The following SPON2 variants were observed in gnomAD, a reference collection of about 807,000 sequenced individuals.
SPON2 encodes the protein spondin 2, also known as spondin-2.
A neutral mutation model predicts 29.9 loss-of-function variants in SPON2; 32 were observed. The ratio of observed to expected loss-of-function variants is 1.07; its 90% confidence interval spans 0.81 to 1.44. The LOEUF (loss-of-function observed/expected upper bound fraction) is 1.44. Among genes scored for constraint, SPON2 ranks in the 40% most tolerant of loss-of-function variants. SPON2 has a pLI of 0.00. For synonymous variants in SPON2, 248 were observed against 209.1 expected (o/e 1.19, Z -1.61); for missense variants, 541 against 455.5 (o/e 1.19, Z -1.71).
At chr4:1,205,640 C>G (rs1728323106) in intron 1 of SPON2, among the ~76,000 whole-genome samples, 1 of 152,180 alleles carries the variant, frequency 6.6e-6, no homozygotes, top group African/African-American at 2.4e-5. Flanking sequence ...CTACGGCAGC[C>G]TTGGGAAGGG....
chr4:1,171,014 C>A lies in SPON2; in HGVS notation c.621G>T (p.Gln207His), dbSNP rs758443087. The A allele has an allele frequency of 6.5e-7, 1 of 1,548,894 alleles. No individual in the cohort carries two copies. The highest frequency in any genetic ancestry group is 1.2e-5 in the South Asian group (1 of 83,892). Residue 207 changes from glutamine to histidine, a missense_variant, in exon 4 of 6, where the codon CAG (glutamine) becomes CAT (histidine). By Grantham distance (24) the Gln-to-His change is conservative. Transcript: ENST00000290902. ...FSSPNFATIP[Q>H]DTVTEITSSS... ...GCCCACTCACCTCGGTCACCGTGTC[C>A]TGCGGGATGGTGGCGAAGTTGGGGG... is the stretch of plus-strand genomic sequence containing the variant.
intron 2 of SPON2, among the ~76,000 whole-genome samples, chr4:1,178,994 G>A (rs1240635389): frequency 6.6e-6 from 1 of 152,240 alleles, no homozygotes; most frequent in East Asian, 1.9e-4. Context: ...CGATTGATTG[G>A]CAGAGCCTGA....
upstream of SPON2, among the ~76,000 whole-genome samples, chr4:1,173,370 G>A (rs1256404950): frequency 6.6e-6 from 1 of 152,158 alleles, no homozygotes; most frequent in African/African-American, 2.4e-5. Context: ...GAACGCGCAG[G>A]GAGTCAGGAA....
At chr4:1,184,941 A>AT (rs1358166118) in intron 1 of SPON2, among the ~76,000 whole-genome samples, 1 of 151,664 alleles carries the variant, frequency 6.6e-6, no homozygotes, top group Non-Finnish European at 1.5e-5. Context: ...TGTCTCAAAA[A>AT]AAAAAAAAAA....
At chr4:1,208,615 G>A (rs1252822005), upstream of SPON2, 1 of 152,356 alleles carries the variant, frequency 6.6e-6, no homozygotes, top group Non-Finnish European at 1.5e-5. Flanking sequence ...TGCTCCAGGG[G>A]TTCCAGCAGG....
chr4:1,168,606 C>T (rs1198013650), intron 5 of SPON2, among the ~76,000 whole-genome samples: 1 of 152,204 alleles, frequency 6.6e-6, no homozygotes, highest in African/African-American at 2.4e-5. Context: ...AGAGCCAGGG[C>T]CCCGGGCAGC....
chr4:1,191,072 CT>C (rs1265679965), intron 1 of SPON2, among the ~76,000 whole-genome samples: 15 of 148,886 alleles, frequency 1.0e-4, no homozygotes, highest in East Asian at 2.0e-4. Context: ...ATTCTAACTG[CT>C]TTTTTTTTCT....
At chr4:1,189,450 A>T (rs1031908496) in intron 1 of SPON2, among the ~76,000 whole-genome samples, 1 of 151,782 alleles carries the variant, frequency 6.6e-6, no homozygotes, top group African/African-American at 2.4e-5. Context: ...TGAGCTCAGG[A>T]GTTCAAGACC....
At chr4:1,193,089 G>A (rs1049790675) in intron 1 of SPON2, among the ~76,000 whole-genome samples, 5 of 152,184 alleles carry the variant, frequency 3.3e-5, no homozygotes, top group Non-Finnish European at 7.3e-5. Flanking sequence ...ACACATGCCC[G>A]ACACAGCTGC....
At chr4:1,186,011 G>C (rs11247976) in intron 1 of SPON2, among the ~76,000 whole-genome samples, 8 of 149,748 alleles carry the variant, frequency 5.3e-5, no homozygotes, top group African/African-American at 1.9e-4. Context: ...TTGGGAGGCC[G>C]AGGCGGGCGG....
At chr4:1,193,599 G>A (rs1443568126) in intron 1 of SPON2, among the ~76,000 whole-genome samples, 1 of 122,072 alleles carries the variant, frequency 8.2e-6, no homozygotes, top group African/African-American at 3.1e-5. Context: ...GGACAAGAAC[G>A]TGGGGGGCAT....
rs911487087 is a variant in SPON2, at chr4:1,207,573, G to A, written c.-234+307C>T. The stretch of plus-strand genomic sequence containing the variant: ...GGGTCCGGCTGCCTAACCATGCGCC[G>A]CGCTTACACATGCTCCAGAGGGTCC... On this transcript the variant is annotated intron_variant, in intron 1 of 3. Coordinates refer to the SPON2 transcript ENST00000509233. Among the ~76,000 whole-genome samples, 3 of 151,476 alleles carry A rather than the reference G, an allele frequency of 2.0e-5. No individual in the cohort carries two copies. The East Asian group carries it at 5.8e-4, about 29-fold the overall frequency.
At chr4:1,173,621 C>T (rs370256384), upstream of SPON2, among the ~76,000 whole-genome samples, 8 of 152,236 alleles carry the variant, frequency 5.3e-5, no homozygotes, top group South Asian at 1.2e-3. Flanking sequence ...CAATCCTTCC[C>T]GGCCTCTGCT....
chr4:1,202,911 G>A lies in SPON2; in HGVS notation c.-234+4969C>T, dbSNP rs914212634. Among the ~76,000 whole-genome samples the A allele has an allele frequency of 9.8e-5, 15 of 152,286 alleles. No homozygotes were observed. In the East Asian group the frequency reaches 2.1e-3, roughly 22 times the overall value. On this transcript the variant is annotated intron_variant, in intron 1 of 3. Transcript: ENST00000509233. The surrounding 1 kb of genome is among the most constrained non-coding windows in gnomAD (Gnocchi z 5.4). ...CACCTGCCTGAGCCATGGCTGGGGC[G>A]GCCAAGGAGGGCTGGGCCAGGATCG...
chr4:1,193,246 C>T (rs961646170), intron 1 of SPON2, among the ~76,000 whole-genome samples: 1 of 152,196 alleles, frequency 6.6e-6, no homozygotes, highest in Non-Finnish European at 1.5e-5. Flanking sequence ...GATGTCACTG[C>T]AGAGACTCAG....
upstream of SPON2, among the ~76,000 whole-genome samples, chr4:1,177,991 C>T (rs1171454639): frequency 6.6e-6 from 1 of 152,246 alleles, no homozygotes; most frequent in Non-Finnish European, 1.5e-5. Flanking sequence ...ACACATCACA[C>T]TTGCTTGTCC....
chr4:1,194,927 CCCCGCA>C (rs1246521430), intron 1 of SPON2: 1 of 147,772 alleles, frequency 6.8e-6, no homozygotes. Flanking sequence ...GCGGCTCCAA[CCCCGCA>C]GCCGGCGGCT....
chr4:1,201,156 G>A (rs969251615), intron 1 of SPON2: 8 of 454,740 alleles, frequency 1.8e-5, no homozygotes, highest in African/African-American at 6.0e-5. Context: ...TTCCCTGCAG[G>A]CCAAATGCAG....
chr4:1,181,022 C>T (rs2108657675), intron 1 of SPON2, among the ~76,000 whole-genome samples: 1 of 152,262 alleles, frequency 6.6e-6, no homozygotes, highest in South Asian at 2.1e-4. Context: ...TTTATCTACA[C>T]ATCCAATAAG....
Sources: allele counts gnomAD v4.1 joint callset (sites outside exome capture counted in the v4.1 genomes callset), GRCh38; gene constraint gnomAD v4.1.1; non-coding constraint Gnocchi (gnomAD v3.1); transcripts MANE v1.5; gene names NCBI Gene and HGNC (gene_info 2026-07-23, HGNC 2026-07-21).